FAXDC2: variants seen among roughly 807,000 people sequenced by gnomAD.
FAXDC2 encodes the protein fatty acid hydroxylase domain-containing protein 2.
Under a neutral mutation model 40.9 loss-of-function variants are expected in FAXDC2, and 41 were observed. The ratio of observed to expected loss-of-function variants is 1.00; its 90% CI spans 0.78 to 1.30. FAXDC2 has a LOEUF of 1.30. Ranked by LOEUF, FAXDC2 falls within the 50% of genes most tolerant of loss-of-function variation. FAXDC2 has a pLI of 0.00. For missense variants in FAXDC2, 390 were observed against 408.8 expected (o/e 0.95, Z 0.40); for synonymous variants, 157 against 149.3 (o/e 1.05, Z -0.38).
chr5:154,824,619 C>T (rs1220909911), intron 5 of FAXDC2: 21 of 701,286 alleles, frequency 3.0e-5, no homozygotes, highest in Middle Eastern at 2.3e-4. Flanking sequence ...GACCAAGAGG[C>T]GGGGTATCAC....
intron 6 of FAXDC2, among the ~76,000 whole-genome samples, chr5:154,823,035 A>G (rs931935650): frequency 4.6e-5 from 7 of 151,986 alleles, no homozygotes; most frequent in Non-Finnish European, 1.0e-4. Flanking sequence ...TCTTTGAGAC[A>G]AGGTCTTGCT....
intron 2 of FAXDC2, among the ~76,000 whole-genome samples, chr5:154,837,451 CCATT>C (rs1760378396): frequency 1.3e-5 from 2 of 152,042 alleles, no homozygotes; most frequent in Non-Finnish European, 2.9e-5. Flanking sequence ...TTTACATGGG[CCATT>C]CAAAGGTCGC....
rs1285787559 is a variant in FAXDC2, at chr5:154,819,385, G to T, written c.*931C>A. Reference sequence around the variant, plus strand: ...ACTGGTAAAGCATTCGGGGGAGAAAGGATTTTGCTCTTTGCTCTGCCATGT... The same window carrying T: ...ACTGGTAAAGCATTCGGGGGAGAAATGATTTTGCTCTTTGCTCTGCCATGT... On this transcript the variant is annotated 3_prime_UTR_variant, in exon 9 of 9. Transcript: ENST00000326080. The T allele has an allele frequency of 1.3e-5, 2 of 152,136 alleles. No individual in the cohort carries two copies. Among genetic ancestry groups the T allele is most frequent in the Non-Finnish European group, 2.9e-5 (2 of 68,016 alleles). The allele number at this position is 152,136 out of a possible 1,614,324, so 9.4% of individuals were successfully genotyped here.
chr5:154,835,996 T>G (rs926977714), intron 2 of FAXDC2: 1 of 150,398 alleles, frequency 6.6e-6, no homozygotes, highest in Admixed American at 6.7e-5. Flanking sequence ...GTTCAAGTGA[T>G]TCTCCTGCCC....
At chr5:154,825,058 TAA>T (rs70981952) in intron 5 of FAXDC2, among the ~76,000 whole-genome samples, 17 of 90,136 alleles carry the variant, frequency 1.9e-4, no homozygotes, top group African/African-American at 2.7e-4. Context: ...CCAATCTTGT[TAA>T]AAAAAAAAAA....
chr5:154,840,283 G>A lies in FAXDC2; in HGVS notation c.1-2105C>T, dbSNP rs567957826. 1.4e-4 allele frequency among the ~76,000 whole-genome samples: 22 copies of A among 152,124 alleles called. No individual in the cohort carries two copies. In the South Asian group the frequency reaches 1.5e-3, roughly 10 times the overall value. On this transcript the variant is annotated intron_variant, in intron 1 of 8. Transcript: ENST00000326080. ...ATTTTTATTTTAATAACGAGGAGAC[G>A]GGGGTCTTGAACTCCTGGCTTCAAG...
intron 1 of FAXDC2, among the ~76,000 whole-genome samples, chr5:154,840,937 C>T (rs1367328288): frequency 6.6e-6 from 1 of 152,128 alleles, no homozygotes; most frequent in African/African-American, 2.4e-5. Flanking sequence ...GGAGTTAGGA[C>T]ACCAGAAGGA....
rs570011303 is a variant in FAXDC2, at chr5:154,840,716, A to C, written c.1-2538T>G. Among the ~76,000 whole-genome samples, 3 of 152,076 alleles carry C rather than the reference A, an allele frequency of 2.0e-5. No individual in the cohort carries two copies. The East Asian group carries it at 5.8e-4, about 29-fold the overall frequency. ...CAGGCACATACCACCATACCCAGCT[A>C]ATTTTTGTATTTTTTGTAGAGACAG... On this transcript the variant is annotated intron_variant, in intron 1 of 8. Coordinates refer to ENST00000326080, the MANE Select transcript of FAXDC2 (RefSeq NM_032385.5).
Position 154,819,989 on chromosome 5 carries a change from C to A in FAXDC2, c.*327G>T, listed in dbSNP as rs1259272035. ...TGTCATTCTCTGCATCCTGCCCAGGCCACAAAGGAGTTATCTGGGGCTGAA... is the reference window on the plus strand; with the variant it reads ...TGTCATTCTCTGCATCCTGCCCAGGACACAAAGGAGTTATCTGGGGCTGAA... On this transcript the variant is annotated 3_prime_UTR_variant, in exon 9 of 9. Coordinates refer to ENST00000326080, the MANE Select transcript of FAXDC2 (RefSeq NM_032385.5). The A allele has an allele frequency of 2.5e-5, 5 of 199,376 alleles. No individual in the cohort carries two copies. The highest frequency in any genetic ancestry group is 5.5e-5 in the Non-Finnish European group (5 of 90,786). The allele number at this position is 199,376 out of a possible 1,614,324, so 12.4% of individuals were successfully genotyped here.
chr5:154,823,575 C>T lies in FAXDC2; in HGVS notation c.384G>A (p.Leu128=), dbSNP rs767169408. 1.2e-6 allele frequency: 2 copies of T among 1,614,066 alleles called. No homozygotes were observed. The highest frequency in any genetic ancestry group is 1.1e-5 in the South Asian group (1 of 91,074). ...GKNEPVDPVK[L]RQSIRTVLFN... is the part of the protein sequence containing the mutation. ...AAAGAACTGTGCGGATAGACTGGCG[C>T]AGTTTCACAGGATCCACCTGCCCAA... The change falls in exon 6 of 9, where the codon CTG becomes CTA. Residue 128 remains leucine, a synonymous_variant. Coordinates refer to ENST00000326080, the MANE Select transcript of FAXDC2 (RefSeq NM_032385.5).
intron 4 of FAXDC2, 98 bp from the exon 5 acceptor site, chr5:154,831,020 T>C: frequency 6.8e-7 from 1 of 1,462,014 alleles, no homozygotes; most frequent in South Asian, 1.2e-5. Flanking sequence ...GGCTTCATCC[T>C]AGACATTTCT....
chr5:154,842,587 A>G (rs1034105321), intron 1 of FAXDC2, among the ~76,000 whole-genome samples: 2 of 132,506 alleles, frequency 1.5e-5, no homozygotes, highest in Non-Finnish European at 3.1e-5. Context: ...CAATGGTGCA[A>G]TCTCGGCTCA....
chr5:154,828,773 T>A (rs1052977096), intron 5 of FAXDC2, among the ~76,000 whole-genome samples: 2 of 151,340 alleles, frequency 1.3e-5, no homozygotes, highest in African/African-American at 4.9e-5. Flanking sequence ...ATTAAAATAA[T>A]TTTTTTTGTA....
rs1582539791 is a variant in FAXDC2 at position 154,842,600 on chromosome 5, G to A, written c.1-4422C>T. On this transcript the variant is annotated intron_variant, in intron 1 of 8. Transcript: ENST00000326080. ...TGCAATGGTGCAATCTCGGCTCACTGCAACCTCTGCCTCCCAGGTTCAGGC... is the reference window on the plus strand; with the variant it reads ...TGCAATGGTGCAATCTCGGCTCACTACAACCTCTGCCTCCCAGGTTCAGGC... Among the ~76,000 whole-genome samples, 7 of 125,222 alleles carry A rather than the reference G, an allele frequency of 5.6e-5. No homozygotes were observed. The South Asian group carries it at 1.8e-3, about 32-fold the overall frequency. The allele number at this position is 125,222 out of a possible 152,430, so 82.2% of individuals were successfully genotyped here.
At chr5:154,838,297 G>C in intron 1 of FAXDC2, 119 bp from the exon 2 acceptor site, 1 of 854,020 alleles carries the variant, frequency 1.2e-6, no homozygotes, top group South Asian at 1.6e-5. Flanking sequence ...AAAAAAATTG[G>C]CTTGTTGTTC....
chr5:154,842,513 T>G (rs71597671), intron 1 of FAXDC2, among the ~76,000 whole-genome samples: 1 of 47,826 alleles, frequency 2.1e-5, no homozygotes, highest in Non-Finnish European at 4.6e-5. Context: ...CCTTTGTGTG[T>G]TTTTTTTTTT....
chr5:154,821,310 G>A lies in FAXDC2; in HGVS notation c.795C>T (p.Tyr265=). Residue 265 remains tyrosine, a synonymous_variant, in exon 8 of 9, where the codon TAC becomes TAT. Coordinates refer to ENST00000326080, the MANE Select transcript of FAXDC2 (RefSeq NM_032385.5). Reference sequence around the variant, plus strand: ...CAGGCGAAGGCAGGAAGGGAAGGTGGTAGCCACAGTGGGAGATGGTGGTGA... The same window carrying A: ...CAGGCGAAGGCAGGAAGGGAAGGTGATAGCCACAGTGGGAGATGGTGGTGA... The part of the protein sequence containing the change: ...LIITTISHCG[Y]HLPFLPSPEF... 1 of 1,611,416 alleles carries A rather than the reference G, an allele frequency of 6.2e-7. No homozygotes were observed. Among genetic ancestry groups the A allele is most frequent in the Non-Finnish European group, 8.5e-7 (1 of 1,178,820 alleles).
chr5:154,849,474 C>T (rs1371277478), intron 1 of FAXDC2, among the ~76,000 whole-genome samples: 5 of 151,978 alleles, frequency 3.3e-5, no homozygotes, highest in African/African-American at 1.2e-4. Context: ...CCACGAGATC[C>T]ACAGAATCAA....
At position 154,834,954 on chromosome 5, in the gene FAXDC2, T is replaced by C. The variant is rs771504395; in HGVS notation, c.49-20A>G. Reference sequence around the variant, plus strand: ...TCCCTCCTGGAGGAGGGCAGGGAAGTGTCAGACCCCAGCAAGCCTCCTGCC... The same window carrying C: ...TCCCTCCTGGAGGAGGGCAGGGAAGCGTCAGACCCCAGCAAGCCTCCTGCC... On this transcript the variant is annotated intron_variant, in intron 2 of 8. Transcript: ENST00000326080. 1 of 1,512,232 alleles carries C rather than the reference T, an allele frequency of 6.6e-7. No homozygotes were observed. The highest frequency in any genetic ancestry group is 9.1e-7 in the Non-Finnish European group (1 of 1,101,142). 93.7% of individuals were successfully genotyped at this position (1,512,232 alleles called of 1,614,324 possible). A position where few individuals can be genotyped will look rare whatever the true frequency, so the allele number is the denominator to read the frequency against.
Sources: gnomAD v4.1 joint callset for allele counts (sites outside exome capture counted in the v4.1 genomes callset) on GRCh38, gnomAD v4.1.1 for gene constraint, MANE v1.5 for transcripts, NCBI Gene and HGNC (gene_info 2026-07-23, HGNC 2026-07-21) for gene names.